Variants in GLI2 observed in about 807,000 individuals in gnomAD.
GLI2 encodes the protein GLI family zinc finger 2.
A neutral mutation model predicts 78.9 loss-of-function variants in GLI2; 22 were observed. That is an observed-to-expected ratio of 0.28 (90% CI 0.20 to 0.40). GLI2 has a LOEUF of 0.40. Among genes scored for constraint, GLI2 ranks in the 10% least tolerant of loss-of-function variants. The pLI, the probability that GLI2 is intolerant of heterozygous loss-of-function variation, is 1.00. For missense variants in GLI2, 2,097 were observed against 2,213.2 expected, an observed-to-expected ratio of 0.95 and a Z score of 1.05; for synonymous variants, 974 against 963.7, an observed-to-expected ratio of 1.01 and a Z score of -0.20.
rs1220306982 is a variant in GLI2, at chr2:120,876,146, C to A, written c.149-51215C>A. Among the ~76,000 whole-genome samples, 8 of 152,256 alleles carry A rather than the reference C, an allele frequency of 5.3e-5. 1 individual carries two copies. The Middle Eastern group carries it at 0.024, about 453-fold the overall frequency. On this transcript the variant is annotated intron_variant, in intron 2 of 13. Transcript: ENST00000361492. ...CACGAGGTCAGGAGATGGAGACCAT[C>A]CTGGCTAACGCGGTGAAACCCCGTC...
intron 2 of GLI2, among the ~76,000 whole-genome samples, chr2:120,835,293 T>C (rs1419304770): frequency 1.3e-5 from 2 of 151,840 alleles, no homozygotes; most frequent in Admixed American, 1.3e-4. Context: ...TGGTGGGAGT[T>C]GATCAGATGC....
At chr2:120,909,864 C>CAAAAT (rs924469810) in intron 2 of GLI2, among the ~76,000 whole-genome samples, 1 of 152,182 alleles carries the variant, frequency 6.6e-6, no homozygotes. Context: ...GACTCCGTCT[C>CAAAAT]AAAATAAAAT....
rs78074495 is a variant in GLI2 at position 120,873,753 on chromosome 2, C to T, written c.149-53608C>T. Among the ~76,000 whole-genome samples the T allele has an allele frequency of 9.7e-4, 147 of 152,302 alleles. 1 individual carries two copies. In the East Asian group the frequency reaches 0.026, roughly 27 times the overall value. On this transcript the variant is annotated intron_variant, in intron 2 of 13. Coordinates refer to ENST00000361492, the MANE Select transcript of GLI2 (RefSeq NM_001374353.1). ...CTCCAGCAACCACAGGCTCCCCGAG[C>T]CTCCTCATCTGACCGAACCTGTGTC... is the stretch of plus-strand genomic sequence containing the variant.
At chr2:120,984,841 C>T in intron 12 of GLI2, 98 bp downstream of exon 12, 1 of 1,255,650 alleles carries the variant, frequency 8.0e-7, no homozygotes, top group Non-Finnish European at 1.1e-6. Flanking sequence ...TAAGGCCCCC[C>T]TCTAGGGGCA....
At chr2:120,740,663 G>C (rs1235858107) in intron 1 of GLI2, among the ~76,000 whole-genome samples, 4 of 152,098 alleles carry the variant, frequency 2.6e-5, no homozygotes, top group African/African-American at 7.2e-5. Context: ...CTTTTATCTC[G>C]CTTTTCCATT....
chr2:120,964,778 GGGA>G lies in GLI2; in HGVS notation c.644-3933_644-3931del, dbSNP rs1430938890. Among the ~76,000 whole-genome samples, 6 of 152,372 alleles carry G rather than the reference GGGA, an allele frequency of 3.9e-5. No individual in the cohort carries two copies. The East Asian group carries it at 1.2e-3, about 29-fold the overall frequency. ...CTCACTCTTCAGAGCCACTGAAAGT[GGGA>G]GGTCGAAAAGTGTTTGTGGGACGGG... On this transcript the variant is annotated intron_variant, in intron 5 of 13. Coordinates refer to ENST00000361492, the MANE Select transcript of GLI2 (RefSeq NM_001374353.1).
In GLI2 at chr2:120,736,483, C is replaced by A. The variant is rs114794056; in HGVS notation, c.-31+198C>A. Among the ~76,000 whole-genome samples, 605 of 152,014 alleles carry A rather than the reference C, an allele frequency of 4.0e-3. 5 individuals carry two copies. Among genetic ancestry groups the A allele is most frequent in the African/African-American group, 0.014 (572 of 41,490 alleles). The stretch of plus-strand genomic sequence containing the variant: ...GCGCGACCCCGCCTGGGGCTCTGGA[C>A]GAGCAGGGCGGGGACGTAAGGAGAG... On this transcript the variant is annotated intron_variant, in intron 1 of 13. Transcript: ENST00000361492.
chr2:120,838,982 G>T lies in GLI2; in HGVS notation c.148+41514G>T, dbSNP rs577208078. Among the ~76,000 whole-genome samples the T allele has an allele frequency of 1.1e-3, 172 of 152,284 alleles. 1 individual carries two copies. Among genetic ancestry groups the T allele is most frequent in the African/African-American group, 4.0e-3 (168 of 41,566 alleles). On this transcript the variant is annotated intron_variant, in intron 2 of 13. Coordinates refer to ENST00000361492, the MANE Select transcript of GLI2 (RefSeq NM_001374353.1). ...GGACTGTATTTCTCACAGTTCTGGAGGCTGGGAAGTCCAAGGTTGAGGAAC... is the reference window on the plus strand; with the variant it reads ...GGACTGTATTTCTCACAGTTCTGGATGCTGGGAAGTCCAAGGTTGAGGAAC...
In GLI2 at chr2:120,988,538, G is replaced by T; in HGVS notation, c.2573G>T (p.Gly858Val). ...AGCGAGGCCAGCCAGTGCAGCGGCG[G>T]CTCCGGGCTGCTCAACCTCACGCCG... The part of the protein sequence containing the change: ...RSSEASQCSG[G>V]SGLLNLTPAQ... Residue 858 changes from glycine (G) to valine (V), a missense_variant, in exon 14 of 14, where the codon GGC (glycine) becomes GTC (valine). By Grantham distance (109) the Gly-to-Val change is moderately radical. Around this residue, in one of 5 missense-constraint regions of GLI2, gnomAD observed 1,290 missense variants for 1,261.7 expected, o/e 1.02. Transcript: ENST00000361492. The T allele has an allele frequency of 6.7e-7, 1 of 1,503,704 alleles. No homozygotes were observed. The highest frequency in any genetic ancestry group is 2.7e-5 in the East Asian group (1 of 36,712). 93.1% of individuals were successfully genotyped at this position (1,503,704 alleles called of 1,614,324 possible). A position where few individuals can be genotyped will look rare whatever the true frequency, so the allele number is the denominator to read the frequency against.
At chr2:120,834,302 T>C (rs543644243) in intron 2 of GLI2, among the ~76,000 whole-genome samples, 1 of 152,240 alleles carries the variant, frequency 6.6e-6, no homozygotes, top group East Asian at 1.9e-4. Context: ...GGAGGCTTCA[T>C]TGGTTTTTGT....
At chr2:120,916,000 C>T (rs971905181) in intron 2 of GLI2, among the ~76,000 whole-genome samples, 1 of 152,192 alleles carries the variant, frequency 6.6e-6, no homozygotes, top group African/African-American at 2.4e-5. Context: ...TTTCCCCTTC[C>T]TTACTGTGCA....
intron 2 of GLI2, among the ~76,000 whole-genome samples, chr2:120,902,185 A>ACC (rs11358856): frequency 1.0e-3 from 116 of 116,226 alleles, no homozygotes; most frequent in African/African-American, 1.7e-3. Context: ...ATTGACACCC[A>ACC]CCCCCCCCCA....
intron 2 of GLI2, among the ~76,000 whole-genome samples, chr2:120,882,395 G>A (rs1677196936): frequency 1.3e-5 from 2 of 152,226 alleles, no homozygotes; most frequent in African/African-American, 2.4e-5. Context: ...GCCGGCTGCG[G>A]GATGTGATCA....
At chr2:120,964,567 T>C (rs1233241671) in intron 5 of GLI2, among the ~76,000 whole-genome samples, 2 of 152,122 alleles carry the variant, frequency 1.3e-5, no homozygotes, top group African/African-American at 4.8e-5. Context: ...TGGGCTCCAT[T>C]GTGGTGGAGG....
chr2:120,979,846 G>A (rs1053516760), intron 10 of GLI2, among the ~76,000 whole-genome samples: 1 of 152,054 alleles, frequency 6.6e-6, no homozygotes, highest in East Asian at 1.9e-4. Context: ...TCTGCTTTCT[G>A]TCTGTATGGA....
chr2:120,794,416 C>CCAAGGG (rs1684290055), intron 1 of GLI2, among the ~76,000 whole-genome samples: 1 of 152,118 alleles, frequency 6.6e-6, no homozygotes, highest in Non-Finnish European at 1.5e-5. Context: ...GGCCAAGGGG[C>CCAAGGG]TCAGCAGGGG....
At chr2:120,878,846 T>A (rs995962375) in intron 2 of GLI2, among the ~76,000 whole-genome samples, 1 of 151,844 alleles carries the variant, frequency 6.6e-6, no homozygotes, top group African/African-American at 2.4e-5. Flanking sequence ...GAGAATCGCT[T>A]GAACCCAGGA....
chr2:120,792,347 AGAAAGTGAT>A (rs1163116239), intron 1 of GLI2: 1 of 152,266 alleles, frequency 6.6e-6, no homozygotes, highest in Admixed American at 6.5e-5. Flanking sequence ...GGACTGTGAA[AGAAAGTGAT>A]GATGCGATGT....
intron 2 of GLI2, among the ~76,000 whole-genome samples, chr2:120,830,452 A>G (rs907533834): frequency 2.6e-5 from 4 of 152,164 alleles, no homozygotes; most frequent in Admixed American, 6.5e-5. Flanking sequence ...GTTTTTGTTC[A>G]TGCTTCTGCT....
Sources: allele counts gnomAD v4.1 joint callset (sites outside exome capture counted in the v4.1 genomes callset), GRCh38; gene constraint gnomAD v4.1.1; regional missense constraint gnomAD v4.1.1; transcripts MANE v1.5; gene names NCBI Gene and HGNC (gene_info 2026-07-23, HGNC 2026-07-21).